Variants in CELF1 observed in about 807,000 individuals in gnomAD.
CELF1 encodes 50 kDa nuclear polyadenylated RNA-binding protein.
Under a neutral mutation model 61.8 loss-of-function variants are expected in CELF1, and 10 were observed. The observed-to-expected ratio is 0.16, with a 90% CI of 0.10 to 0.27. CELF1 has a LOEUF of 0.27. Ranked by LOEUF, CELF1 falls within the 10% of genes least tolerant of loss-of-function variation. The pLI is 1.00. For synonymous variants in CELF1, 236 were observed against 225.1 expected, an observed-to-expected ratio of 1.05 and a Z score of -0.43; for missense variants, 380 against 639.1, an observed-to-expected ratio of 0.59 and a Z score of 4.37.
intron 5 of CELF1, 49 bp downstream of exon 5, chr11:47,487,110 C>A: frequency 7.2e-7 from 1 of 1,397,556 alleles, no homozygotes; most frequent in South Asian, 1.2e-5. Context: ...AAGTATATCC[C>A]ACATATCAAA....
At chr11:47,499,888 C>T (rs1299116473) in intron 2 of CELF1, 2 of 179,080 alleles carry the variant, frequency 1.1e-5, no homozygotes, top group Non-Finnish European at 2.3e-5. Flanking sequence ...AGAAGAAACA[C>T]AAACTTGTTT....
chr11:47,487,709 A>C (rs1349833338), intron 4 of CELF1, among the ~76,000 whole-genome samples: 2 of 152,222 alleles, frequency 1.3e-5, no homozygotes, highest in Non-Finnish European at 2.9e-5. Context: ...CTCAAACATA[A>C]TTATCACTTA....
chr11:47,550,278 C>T (rs2097103999), intron 1 of CELF1, among the ~76,000 whole-genome samples: 1 of 152,042 alleles, frequency 6.6e-6, no homozygotes, highest in Non-Finnish European at 1.5e-5. Context: ...CACCTATAAT[C>T]CTAGTACTTT....
intron 1 of CELF1, among the ~76,000 whole-genome samples, chr11:47,520,548 C>G (rs545925400): frequency 7.6e-4 from 116 of 152,298 alleles, no homozygotes; most frequent in Non-Finnish European, 1.3e-3. Context: ...TGGCTCATGC[C>G]TGTAATCCCA....
At chr11:47,503,464 T>C (rs1456703241) in intron 1 of CELF1, among the ~76,000 whole-genome samples, 1 of 152,182 alleles carries the variant, frequency 6.6e-6, no homozygotes, top group Non-Finnish European at 1.5e-5. Context: ...TCTAGTTATA[T>C]AAGCACAGAG....
chr11:47,517,961 A>G (rs1226374840), intron 1 of CELF1, among the ~76,000 whole-genome samples: 2 of 152,136 alleles, frequency 1.3e-5, no homozygotes, highest in African/African-American at 4.8e-5. Flanking sequence ...TTTTTTAAAG[A>G]AAACTTGAGC....
chr11:47,484,930 G>A (rs770676890), intron 6 of CELF1, among the ~76,000 whole-genome samples: 3 of 147,896 alleles, frequency 2.0e-5, no homozygotes, highest in Non-Finnish European at 4.4e-5. Flanking sequence ...CACCCGCCTC[G>A]GCCTCCCAAA....
At chr11:47,542,286 T>C (rs1213643349) in intron 1 of CELF1, among the ~76,000 whole-genome samples, 2 of 152,106 alleles carry the variant, frequency 1.3e-5, no homozygotes. Flanking sequence ...AAGAATCGCT[T>C]CAACCCGGGA....
chr11:47,519,813 A>T (rs976123604), intron 1 of CELF1, among the ~76,000 whole-genome samples: 1 of 151,826 alleles, frequency 6.6e-6, no homozygotes, highest in Non-Finnish European at 1.5e-5. Flanking sequence ...TAGTGAGCTG[A>T]GATCGTGCCA....
At chr11:47,564,074 C>T (rs551014288) in intron 2 of CELF1, among the ~76,000 whole-genome samples, 22 of 149,528 alleles carry the variant, frequency 1.5e-4, no homozygotes, top group African/African-American at 5.4e-4. Flanking sequence ...GCCTGTAATC[C>T]CAACACTTTG....
At chr11:47,516,396 C>T (rs2095554215) in intron 1 of CELF1, among the ~76,000 whole-genome samples, 1 of 152,164 alleles carries the variant, frequency 6.6e-6, no homozygotes, top group African/African-American at 2.4e-5. Context: ...CGAGCAGCTG[C>T]TTCCACCTCC....
intron 1 of CELF1, among the ~76,000 whole-genome samples, chr11:47,534,010 A>ATTTT (rs2096562322): frequency 1.0e-5 from 1 of 96,430 alleles, no homozygotes. Flanking sequence ...TATATTTAGC[A>ATTTT]TTTTTTCTTT....
intron 1 of CELF1, among the ~76,000 whole-genome samples, chr11:47,546,471 T>C (rs1030592413): frequency 6.6e-6 from 1 of 151,928 alleles, no homozygotes. Flanking sequence ...TCTCAGATGA[T>C]CCGCCCACCC....
At chr11:47,472,393 A>C in intron 14 of CELF1, 36 bp from the exon 15 acceptor site, 1 of 1,607,180 alleles carries the variant, frequency 6.2e-7, no homozygotes, top group Non-Finnish European at 8.5e-7. Flanking sequence ...TGAGGGACAT[A>C]ATGAGGCAAG....
chr11:47,478,817 T>C, intron 10 of CELF1, 60 bp downstream of exon 10: 1 of 1,352,240 alleles, frequency 7.4e-7, no homozygotes, highest in South Asian at 1.2e-5. Flanking sequence ...CCCAAGACTG[T>C]TGTTAGCTGG....
At chr11:47,564,816 G>A (rs2097239648) in intron 1 of CELF1, among the ~76,000 whole-genome samples, 1 of 152,146 alleles carries the variant, frequency 6.6e-6, no homozygotes, top group African/African-American at 2.4e-5. Context: ...AAAGTAAATA[G>A]CTGGCATTAC....
In CELF1 at chr11:47,522,326, G is replaced by A. The variant is rs544366872; in HGVS notation, c.-153-21394C>T. ...GGATCACCCGAGATCAGGAGTTGGA[G>A]ACCAGCCTGGCCAACATGGTGAAAC... On this transcript the variant is annotated intron_variant, in intron 1 of 14. Transcript: ENST00000687097. Among the ~76,000 whole-genome samples, 10 of 151,462 alleles carry A rather than the reference G, an allele frequency of 6.6e-5. No homozygotes were observed. In the South Asian group the frequency reaches 1.7e-3, roughly 25 times the overall value.
At chr11:47,484,642 CAA>C (rs1487477552) in intron 6 of CELF1, 119 bp from the exon 7 acceptor site, 1 of 747,166 alleles carries the variant, frequency 1.3e-6, no homozygotes, top group African/African-American at 1.8e-5. Flanking sequence ...TTTACAGATT[CAA>C]AGACACACAT....
chr11:47,533,155 C>T (rs1375173553), intron 1 of CELF1, among the ~76,000 whole-genome samples: 1 of 151,418 alleles, frequency 6.6e-6, no homozygotes, highest in Non-Finnish European at 1.5e-5. Context: ...TTTCAGCAAG[C>T]TACCTTCAAG....
Sources: allele counts gnomAD v4.1 joint callset (sites outside exome capture counted in the v4.1 genomes callset), GRCh38; gene constraint gnomAD v4.1.1; transcripts MANE v1.5; gene names NCBI Gene and HGNC (gene_info 2026-07-23, HGNC 2026-07-21).